Variants in KIAA1217 observed in about 807,000 individuals in gnomAD.
The protein encoded by KIAA1217 is KIAA1217.
Under a neutral mutation model 163.9 loss-of-function variants are expected in KIAA1217, and 88 were observed. The observed-to-expected ratio is 0.54, with a 90% CI of 0.45 to 0.64. The LOEUF (loss-of-function observed/expected upper bound fraction) is 0.64. KIAA1217 is among the 30% of genes least tolerant of loss of function. The pLI, the probability that KIAA1217 is intolerant of heterozygous loss-of-function variation, is 0.00. For missense variants in KIAA1217, 2,372 were observed against 2,475.0 expected, an observed-to-expected ratio of 0.96 and a Z score of 0.88; for synonymous variants, 903 against 923.1, an observed-to-expected ratio of 0.98 and a Z score of 0.39.
intron 2 of KIAA1217, among the ~76,000 whole-genome samples, chr10:24,361,772 G>A (rs893873891): frequency 2.0e-5 from 3 of 151,946 alleles, no homozygotes; most frequent in Non-Finnish European, 2.9e-5. Flanking sequence ...TCAGGAGATC[G>A]AGACCATCCG....
intron 1 of KIAA1217, among the ~76,000 whole-genome samples, chr10:23,774,616 G>T (rs1427796499): frequency 6.6e-6 from 1 of 152,162 alleles, no homozygotes; most frequent in East Asian, 1.9e-4. Context: ...GGGCCAAGGG[G>T]TGGCTGTTCA....
At chr10:24,521,952 G>A (rs1422498633) in intron 12 of KIAA1217, 23 bp downstream of exon 12, 2 of 1,596,348 alleles carry the variant, frequency 1.3e-6, no homozygotes, top group Non-Finnish European at 1.7e-6. Context: ...TCATCGTGCT[G>A]GGGGTGGCCT....
intron 1 of KIAA1217, among the ~76,000 whole-genome samples, chr10:23,739,771 A>T (rs1167131990): frequency 2.0e-5 from 3 of 152,130 alleles, no homozygotes; most frequent in Admixed American, 1.3e-4. Flanking sequence ...CTCCTGAGAG[A>T]TCCTGTGGAT....
At chr10:24,425,109 T>G (rs2059074906) in intron 3 of KIAA1217, among the ~76,000 whole-genome samples, 1 of 152,214 alleles carries the variant, frequency 6.6e-6, no homozygotes. Flanking sequence ...CCCAGTTAAC[T>G]GAGTAGGATT....
At chr10:24,492,900 CAGTGGCGCGA>C (rs2066326972) in intron 6 of KIAA1217, among the ~76,000 whole-genome samples, 1 of 151,676 alleles carries the variant, frequency 6.6e-6, no homozygotes, top group Non-Finnish European at 1.5e-5. Context: ...GGATGGAGTG[CAGTGGCGCGA>C]TCTCAGCTCA....
chr10:24,285,563 G>C (rs1415062851), intron 2 of KIAA1217, among the ~76,000 whole-genome samples: 2 of 151,986 alleles, frequency 1.3e-5, no homozygotes. Context: ...TTATTCTGTT[G>C]GTCTATGTGT....
At chr10:24,533,901 C>T (rs1005410014) in intron 16 of KIAA1217, among the ~76,000 whole-genome samples, 7 of 152,230 alleles carry the variant, frequency 4.6e-5, no homozygotes, top group African/African-American at 1.7e-4. Context: ...ATTCCCATCA[C>T]GGATGTGATT....
chr10:23,796,913 T>C (rs1181587991), intron 1 of KIAA1217, among the ~76,000 whole-genome samples: 1 of 152,084 alleles, frequency 6.6e-6, no homozygotes, highest in Non-Finnish European at 1.5e-5. Flanking sequence ...AGTGCAGTGG[T>C]ATAATCATAG....
chr10:23,986,571 C>T (rs188376380), intron 1 of KIAA1217, among the ~76,000 whole-genome samples: 35 of 152,126 alleles, frequency 2.3e-4, no homozygotes, highest in Non-Finnish European at 4.4e-5. Flanking sequence ...GACTGTACTG[C>T]TATTTTTTGT....
chr10:24,421,702 T>C (rs1476297126), intron 3 of KIAA1217, among the ~76,000 whole-genome samples: 3 of 152,254 alleles, frequency 2.0e-5, no homozygotes, highest in Non-Finnish European at 4.4e-5. Flanking sequence ...TGTTGGATTT[T>C]TCTTAACATT....
intron 1 of KIAA1217, among the ~76,000 whole-genome samples, chr10:23,898,520 G>A (rs993755230): frequency 6.6e-6 from 1 of 151,812 alleles, no homozygotes; most frequent in Admixed American, 6.6e-5. Context: ...AGATGTTTGA[G>A]ACTTTTAAAA....
intron 1 of KIAA1217, among the ~76,000 whole-genome samples, chr10:23,737,652 AC>A (rs1838888702): frequency 6.6e-6 from 1 of 152,206 alleles, no homozygotes; most frequent in Non-Finnish European, 1.5e-5. Context: ...AAAAAATAGT[AC>A]ACATATTAAA....
rs568716013 is a variant in KIAA1217 at position 24,478,895 on chromosome 10, C to T, written c.1679+4835C>T. The stretch of plus-strand genomic sequence containing the variant: ...AAATAACACTCAAAATTCAAGAGTG[C>T]TTATCGCAAAGTGACTACCTTGCCT... On this transcript the variant is annotated intron_variant, in intron 6 of 20. Transcript: ENST00000376454. Among the ~76,000 whole-genome samples the T allele has an allele frequency of 5.9e-5, 9 of 152,298 alleles. No homozygotes were observed. In the East Asian group the frequency reaches 1.7e-3, roughly 29 times the overall value.
intron 2 of KIAA1217, among the ~76,000 whole-genome samples, chr10:24,103,989 T>TCC (rs199768944): frequency 6.6e-6 from 1 of 152,040 alleles, no homozygotes; most frequent in African/African-American, 2.4e-5. Flanking sequence ...TTTGGCTGTG[T>TCC]CCCCACCCAA....
chr10:24,510,572 G>A (rs1286672419), intron 9 of KIAA1217, among the ~76,000 whole-genome samples: 1 of 152,106 alleles, frequency 6.6e-6, no homozygotes, highest in Non-Finnish European at 1.5e-5. Flanking sequence ...TGGGACCCAG[G>A]CATTGGTCAC....
intron 2 of KIAA1217, among the ~76,000 whole-genome samples, chr10:24,100,819 C>A (rs1011129202): frequency 2.0e-5 from 3 of 152,092 alleles, no homozygotes; most frequent in Admixed American, 2.0e-4. Context: ...TTCATGTCAG[C>A]TTTAGAGAAA....
intron 1 of KIAA1217, among the ~76,000 whole-genome samples, chr10:23,843,606 G>A (rs2131073948): frequency 6.6e-6 from 1 of 152,154 alleles, no homozygotes; most frequent in African/African-American, 2.4e-5. Context: ...CTCTCTACTT[G>A]GAATGGCTAA....
chr10:24,397,207 G>A (rs991803882), intron 3 of KIAA1217, among the ~76,000 whole-genome samples: 3 of 150,618 alleles, frequency 2.0e-5, no homozygotes, highest in Non-Finnish European at 4.4e-5. Context: ...ATACCTCCTG[G>A]GTTCAAGCAA....
intron 1 of KIAA1217, among the ~76,000 whole-genome samples, chr10:23,862,804 T>C (rs568107651): frequency 1.3e-5 from 2 of 151,390 alleles, no homozygotes; most frequent in Non-Finnish European, 2.9e-5. Context: ...TTTGGAGAGG[T>C]TCAAGCAGAA....
Sources: allele counts gnomAD v4.1 joint callset (sites outside exome capture counted in the v4.1 genomes callset), GRCh38; gene constraint gnomAD v4.1.1; transcripts MANE v1.5; gene names NCBI Gene and HGNC (gene_info 2026-07-23, HGNC 2026-07-21).